Variants in MYOM2 observed in about 807,000 individuals in gnomAD.
The protein encoded by MYOM2 is myomesin-2.
In MYOM2, 254 loss-of-function variants were observed where a neutral mutation model predicts 187.6. The ratio of observed to expected loss-of-function variants is 1.35; its 90% confidence interval spans 1.22 to 1.50. MYOM2 has a LOEUF of 1.50. Among genes scored for constraint, MYOM2 ranks in the 40% most tolerant of loss-of-function variants. The pLI is 0.00. For missense variants in MYOM2, 2,796 were observed against 1,924.0 expected, an observed-to-expected ratio of 1.45 and a Z score of -8.48; for synonymous variants, 981 against 753.8, an observed-to-expected ratio of 1.30 and a Z score of -4.94.
At chr8:2,092,291 G>A (rs1287809350) in intron 15 of MYOM2, 55 bp from the exon 16 acceptor site, 8 of 1,578,008 alleles carry the variant, frequency 5.1e-6, no homozygotes, top group African/African-American at 2.7e-5. Flanking sequence ...GATCTCTGCT[G>A]TAGCTTCCAA....
chr8:2,144,641 C>A, intron 36 of MYOM2, 23 bp from the exon 37 acceptor site: 1 of 1,610,348 alleles, frequency 6.2e-7, no homozygotes, highest in Admixed American at 1.7e-5. Context: ...TCTTCCTTCT[C>A]CACCAACCTC....
chr8:2,058,969 C>G (rs530770418), intron 5 of MYOM2, among the ~76,000 whole-genome samples, 184 bp from the exon 6 acceptor site: 3 of 152,334 alleles, frequency 2.0e-5, no homozygotes, highest in Middle Eastern at 3.4e-3. Context: ...GCGCTGCTCT[C>G]GCCTTAGAAA....
rs375687641 is a variant in MYOM2 at position 2,140,701 on chromosome 8, C to T, written c.3801-22C>T. On this transcript the variant is annotated intron_variant, in intron 32 of 36. Transcript: ENST00000262113. ...TGACATGGAGACCCTAACTCAGATA[C>T]GTTCCTGTTGCTCTTTTCAAGAGAT... is the stretch of plus-strand genomic sequence containing the variant. 2.4e-4 allele frequency: 391 copies of T among 1,611,676 alleles called. 1 individual carries two copies. In the African/African-American group the frequency reaches 4.8e-3, roughly 20 times the overall value.
At chr8:2,102,609 C>T in intron 20 of MYOM2, 58 bp from the exon 21 acceptor site, 4 of 1,236,774 alleles carry the variant, frequency 3.2e-6, no homozygotes, top group Non-Finnish European at 3.5e-6. Flanking sequence ...ATGTGAAAAA[C>T]TCCACAGTCA....
intron 13 of MYOM2, chr8:2,085,024 G>T (rs1041456785): frequency 8.4e-6 from 4 of 478,446 alleles, no homozygotes; most frequent in Admixed American, 3.8e-5. Flanking sequence ...ACTTTCGGGT[G>T]AGATTCCTTT....
chr8:2,084,195 G>C (rs1489255778), intron 13 of MYOM2, among the ~76,000 whole-genome samples: 1 of 152,178 alleles, frequency 6.6e-6, no homozygotes, highest in Non-Finnish European at 1.5e-5. Context: ...GGCCTGTGGG[G>C]TGTCCCCCGC....
intron 17 of MYOM2, among the ~76,000 whole-genome samples, chr8:2,094,542 C>T (rs188259739): frequency 1.4e-4 from 21 of 152,302 alleles, no homozygotes; most frequent in Admixed American, 1.2e-3. Context: ...GTCCCAGCTA[C>T]TCGATAGGCT....
At chr8:2,140,957 A>T in intron 33 of MYOM2, 71 bp downstream of exon 33, 1 of 1,468,846 alleles carries the variant, frequency 6.8e-7, no homozygotes, top group Non-Finnish European at 9.2e-7. Context: ...AAGGGAGGGA[A>T]TACAATATGA....
chr8:2,066,933 G>A (rs1013769429), intron 6 of MYOM2, among the ~76,000 whole-genome samples: 8 of 152,318 alleles, frequency 5.3e-5, no homozygotes, highest in African/African-American at 1.9e-4. Context: ...AGTTCGGCTT[G>A]TATTCCTCCA....
chr8:2,086,417 CACTGTTGTGATCTCTGCGTGGCCCCCT>C lies in MYOM2; in HGVS notation c.1644+1033_1644+1059del, dbSNP rs1796062879. ...CTGTTGTGATCTCTGCGTGGCCTCC[CACTGTTGTGATCTCTGCGTGGCCCCCT>C]ACTGTCGTGATCTCCACGTGGCCAC... On this transcript the variant is annotated intron_variant, in intron 14 of 36. Coordinates refer to ENST00000262113, the MANE Select transcript of MYOM2 (RefSeq NM_003970.4). 2.2e-4 allele frequency among the ~76,000 whole-genome samples: 22 copies of C among 98,686 alleles called. 2 individuals are homozygous for C. Among genetic ancestry groups the C allele is most frequent in the Non-Finnish European group, 3.8e-4 (16 of 42,156 alleles). 64.7% of individuals were successfully genotyped at this position (98,686 alleles called of 152,430 possible). A position where few individuals can be genotyped will look rare whatever the true frequency, so the allele number is the denominator to read the frequency against.
At chr8:2,103,301 A>G (rs11996400) in intron 21 of MYOM2, among the ~76,000 whole-genome samples, 11,536 of 149,246 alleles carry the variant, frequency 0.077, 1,315 homozygotes, top group African/African-American at 0.25. Flanking sequence ...ATGTATGGGT[A>G]AATGGATAAA....
rs1267100010 is a variant in MYOM2 at position 2,131,910 on chromosome 8, T to C, written c.3800+2678T>C. ...CACCCACCTGGGCCTCCCAAAATGC[T>C]GGGATTACAGGCGTGAGCTACCGCA... On this transcript the variant is annotated intron_variant, in intron 32 of 36. Coordinates refer to ENST00000262113, the MANE Select transcript of MYOM2 (RefSeq NM_003970.4). Among the ~76,000 whole-genome samples, 2 of 152,164 alleles carry C rather than the reference T, an allele frequency of 1.3e-5. 1 individual carries two copies. Among genetic ancestry groups the C allele is most frequent in the Non-Finnish European group, 2.9e-5 (2 of 68,038 alleles).
At chr8:2,097,466 C>T (rs891520682) in intron 18 of MYOM2, among the ~76,000 whole-genome samples, 2 of 152,242 alleles carry the variant, frequency 1.3e-5, no homozygotes, top group Admixed American at 1.3e-4. Context: ...CATTGCCTCC[C>T]AGTACTTACA....
intron 6 of MYOM2, among the ~76,000 whole-genome samples, chr8:2,067,281 G>A (rs996083534): frequency 6.6e-6 from 1 of 152,226 alleles, no homozygotes; most frequent in African/African-American, 2.4e-5. Flanking sequence ...CATTTGAAAA[G>A]TGAGACTTGA....
In MYOM2 at chr8:2,055,792, A is replaced by G. The variant is rs531741454; in HGVS notation, c.264-1556A>G. Among the ~76,000 whole-genome samples, 6 of 152,220 alleles carry G rather than the reference A, an allele frequency of 3.9e-5. No homozygotes were observed. The South Asian group carries it at 1.2e-3, about 32-fold the overall frequency. ...GGGTCTCGGACAGGCCTTACCGCCA[A>G]CCTGCAGCGGGTCTCAGTTCTCCCC... is the stretch of plus-strand genomic sequence containing the variant. On this transcript the variant is annotated intron_variant, in intron 3 of 36. Coordinates refer to ENST00000262113, the MANE Select transcript of MYOM2 (RefSeq NM_003970.4).
At chr8:2,130,752 T>C (rs992580763) in intron 32 of MYOM2, among the ~76,000 whole-genome samples, 8 of 152,212 alleles carry the variant, frequency 5.3e-5, no homozygotes, top group African/African-American at 1.9e-4. Context: ...GAAAGTGTAT[T>C]GAAGGCAGGG....
intron 1 of MYOM2, among the ~76,000 whole-genome samples, chr8:2,049,634 A>C (rs928183389): frequency 6.6e-6 from 1 of 152,228 alleles, no homozygotes; most frequent in African/African-American, 2.4e-5. Flanking sequence ...TCTTTAAATA[A>C]GGACAGATCC....
Position 2,079,587 on chromosome 8 carries a change from T to C in MYOM2, c.1490T>C (p.Ile497Thr). ...QAVHLEGEKEIAIYQDDLEGD... is the reference protein window; with the variant it reads ...QAVHLEGEKETAIYQDDLEGD... ...GTTCATTTGGAGGGAGAGAAGGAGA[T>C]TGCCATTTATCAGGATGACCTTGAA... Residue 497 changes from isoleucine (I) to threonine (T), a missense_variant, in exon 13 of 37, where the codon ATT becomes ACT. By Grantham distance (89) the Ile-to-Thr change is moderately conservative. Transcript: ENST00000262113. 6.2e-7 allele frequency: 1 copy of C among 1,614,060 alleles called. No individual in the cohort carries two copies. The highest frequency in any genetic ancestry group is 8.5e-7 in the Non-Finnish European group (1 of 1,180,018).
Position 2,096,275 on chromosome 8 carries a change from G to A in MYOM2, c.2154G>A (p.Thr718=), listed in dbSNP as rs781113846. The A allele has an allele frequency of 2.4e-5, 39 of 1,613,960 alleles. No individual in the cohort carries two copies. The highest frequency in any genetic ancestry group is 8.0e-5 in the African/African-American group (6 of 74,920). ...TCCCGTCCCATCCTTATGGGATTACGCTCCTCAACTGTGACGGCCACTCCA... is the reference window on the plus strand; with the variant it reads ...TCCCGTCCCATCCTTATGGGATTACACTCCTCAACTGTGACGGCCACTCCA... ...LTVPSHPYGI[T]LLNCDGHSMT... Residue 718 remains threonine, a synonymous_variant, in exon 18 of 37, where the codon ACG becomes ACA. Transcript: ENST00000262113.
Sources: allele counts gnomAD v4.1 joint callset (sites outside exome capture counted in the v4.1 genomes callset), GRCh38; gene constraint gnomAD v4.1.1; transcripts MANE v1.5; gene names NCBI Gene and HGNC (gene_info 2026-07-23, HGNC 2026-07-21).